FOXP1: variants seen among roughly 807,000 people sequenced by gnomAD.
FOXP1 encodes forkhead box protein P1.
In FOXP1, 15 loss-of-function variants were observed where a neutral mutation model predicts 98.2. That is an observed-to-expected ratio of 0.15 (90% CI 0.10 to 0.24). FOXP1 has a LOEUF of 0.24. FOXP1 is among the 10% of genes least tolerant of loss of function. The probability of loss-of-function intolerance (pLI) is 1.00; values close to 1 mark genes in which losing one functional copy is unlikely to be tolerated. For synonymous variants in FOXP1, 371 were observed against 314.5 expected (o/e 1.18, Z -1.90); for missense variants, 633 against 848.5 (o/e 0.75, Z 3.15).
At position 71,515,449 on chromosome 3, in the gene FOXP1, A is replaced by AAAAAAAAAC. The variant is rs1560592247; in HGVS notation, c.-297-21895_-297-21894insGTTTTTTTT. Among the ~76,000 whole-genome samples the AAAAAAAAAC allele has an allele frequency of 5.7e-5, 8 of 140,596 alleles. 1 individual carries two copies. Among genetic ancestry groups the AAAAAAAAAC allele is most frequent in the African/African-American group, 7.7e-5 (3 of 38,796 alleles). The allele number at this position is 140,596 out of a possible 152,430, so 92.2% of individuals were successfully genotyped here. On this transcript the variant is annotated intron_variant, in intron 2 of 20. Coordinates refer to ENST00000649528, the MANE Select transcript of FOXP1 (RefSeq NM_001349338.3). ...TTTACACAGCAAAAAAAAAAAAAAA[A>AAAAAAAAAC]AAAACTGCACATTTATACAGCTGAG...
intron 5 of FOXP1, among the ~76,000 whole-genome samples, chr3:71,208,536 T>TTCTGTGTGTGTGTGTGTGTGTGTGTG (rs10529764): frequency 6.7e-6 from 1 of 149,346 alleles, no homozygotes; most frequent in African/African-American, 2.5e-5. Context: ...GCATTTAAGT[T>TTCTGTGTGTGTGTGTGTGTGTGTGTG]TGTGTGTGTG....
intron 20 of FOXP1, 43 bp downstream of exon 20, chr3:70,965,847 C>G (rs748267975): frequency 6.3e-7 from 1 of 1,597,208 alleles, no homozygotes; most frequent in African/African-American, 1.3e-5. Flanking sequence ...CCTAGGGAGA[C>G]TAGGGTCAGA....
chr3:71,236,067 C>T (rs902354943), intron 5 of FOXP1, among the ~76,000 whole-genome samples: 1 of 152,158 alleles, frequency 6.6e-6, no homozygotes, highest in East Asian at 1.9e-4. Context: ...AGAGAATCAC[C>T]TAGGAACATT....
At chr3:71,094,278 CTTTTTTTTTTTTTT>C (rs1180804992) in intron 7 of FOXP1, among the ~76,000 whole-genome samples, 6 of 127,826 alleles carry the variant, frequency 4.7e-5, no homozygotes, top group Non-Finnish European at 9.9e-5. Flanking sequence ...TTTTTCTTTT[CTTTTTTTTTTTTTT>C]TTTTTGAGAC....
chr3:71,349,150 A>G (rs556686451), intron 4 of FOXP1, among the ~76,000 whole-genome samples: 44 of 146,490 alleles, frequency 3.0e-4, no homozygotes. Context: ...ATATTTGTAT[A>G]ATCAAGGTAT....
intron 2 of FOXP1, among the ~76,000 whole-genome samples, chr3:71,502,028 A>G (rs527437647): frequency 6.6e-6 from 1 of 152,322 alleles, no homozygotes; most frequent in African/African-American, 2.4e-5. Context: ...GCTCATCAGG[A>G]AGGCTCTTTT....
intron 5 of FOXP1, among the ~76,000 whole-genome samples, chr3:71,203,178 A>G (rs2063780717): frequency 6.6e-6 from 1 of 152,204 alleles, no homozygotes; most frequent in Non-Finnish European, 1.5e-5. Context: ...AGATGAACTG[A>G]GCCTGTTTAA....
At chr3:71,148,998 A>G (rs772092497) in intron 6 of FOXP1, among the ~76,000 whole-genome samples, 11 of 152,236 alleles carry the variant, frequency 7.2e-5, no homozygotes, top group Non-Finnish European at 1.5e-4. Flanking sequence ...CAGAGCTTGA[A>G]GGGTAAAGAC....
chr3:71,055,037 G>A (rs1432849346), intron 7 of FOXP1, among the ~76,000 whole-genome samples: 1 of 152,026 alleles, frequency 6.6e-6, no homozygotes, highest in African/African-American at 2.4e-5. Flanking sequence ...ATCTTTCAGG[G>A]GAGCAGTAAG....
chr3:71,521,253 C>T (rs1029348575), intron 2 of FOXP1, among the ~76,000 whole-genome samples: 2 of 152,096 alleles, frequency 1.3e-5, no homozygotes, highest in African/African-American at 2.4e-5. Context: ...GCCAGGAGGC[C>T]GGGCGTGGTG....
intron 9 of FOXP1, among the ~76,000 whole-genome samples, chr3:71,049,803 T>G (rs920747762): frequency 2.6e-5 from 4 of 152,106 alleles, no homozygotes; most frequent in Admixed American, 6.5e-5. Context: ...CTCCATCTCA[T>G]TTTAGCACAA....
intron 3 of FOXP1, among the ~76,000 whole-genome samples, chr3:71,453,548 T>C (rs2087157993): frequency 6.6e-6 from 1 of 152,180 alleles, no homozygotes; most frequent in Non-Finnish European, 1.5e-5. Context: ...CTGGTACTGA[T>C]GGACACATAA....
intron 4 of FOXP1, among the ~76,000 whole-genome samples, chr3:71,343,848 A>G (rs986246541): frequency 1.3e-5 from 2 of 152,138 alleles, no homozygotes; most frequent in East Asian, 3.9e-4. Flanking sequence ...AGATTTTCTG[A>G]ATCAAACAGA....
At chr3:71,205,184 CG>C (rs781150454) in intron 5 of FOXP1, among the ~76,000 whole-genome samples, 3 of 152,068 alleles carry the variant, frequency 2.0e-5, no homozygotes, top group Admixed American at 2.0e-4. Flanking sequence ...TGATAAGGGA[CG>C]GCTAAAATTA....
chr3:71,193,211 G>A (rs146749906), intron 6 of FOXP1, among the ~76,000 whole-genome samples: 16,630 of 108,706 alleles, frequency 0.15, 2,059 homozygotes, highest in African/African-American at 0.27. Context: ...GCAGTGGTGG[G>A]ATCTCGGCTC....
At chr3:71,032,054 G>A (rs1408446899) in intron 11 of FOXP1, among the ~76,000 whole-genome samples, 4 of 152,244 alleles carry the variant, frequency 2.6e-5, no homozygotes, top group African/African-American at 7.2e-5. Flanking sequence ...TCATAACTCA[G>A]ATCTACAATA....
At chr3:71,222,061 G>A (rs2065435625) in intron 5 of FOXP1, among the ~76,000 whole-genome samples, 1 of 152,182 alleles carries the variant, frequency 6.6e-6, no homozygotes, top group South Asian at 2.1e-4. Flanking sequence ...GCTGAGGCAA[G>A]AGAATCGCTT....
Position 70,958,121 on chromosome 3 carries a change from CTTTTT to C in FOXP1, c.*1121_*1125del. The stretch of plus-strand genomic sequence containing the variant: ...ATATTGTCAGTCTAATTAATATGAG[CTTTTT>C]TTTTTTTTTCAGTGCTGCCTATGTT... On this transcript the variant is annotated 3_prime_UTR_variant, in exon 21 of 21. Coordinates refer to ENST00000649528, the MANE Select transcript of FOXP1 (RefSeq NM_001349338.3). 1 of 268,396 alleles carries C rather than the reference CTTTTT, an allele frequency of 3.7e-6. No homozygotes were observed. Among genetic ancestry groups the C allele is most frequent in the East Asian group, 5.7e-5 (1 of 17,444 alleles). The allele number at this position is 268,396 out of a possible 1,614,324, so 16.6% of individuals were successfully genotyped here.
chr3:71,440,965 T>C (rs2085879349), intron 3 of FOXP1, among the ~76,000 whole-genome samples: 1 of 152,178 alleles, frequency 6.6e-6, no homozygotes, highest in Non-Finnish European at 1.5e-5. Flanking sequence ...GTGAAACTGG[T>C]ATTAAATGGA....
Sources: gnomAD v4.1 joint callset for allele counts (sites outside exome capture counted in the v4.1 genomes callset) on GRCh38, gnomAD v4.1.1 for gene constraint, MANE v1.5 for transcripts, NCBI Gene and HGNC (gene_info 2026-07-23, HGNC 2026-07-21) for gene names.